PDS5B: variants seen among roughly 807,000 people sequenced by gnomAD.
PDS5B encodes the protein sister chromatid cohesion protein PDS5 homolog B.
A neutral mutation model predicts 184.1 loss-of-function variants in PDS5B; 51 were observed. The ratio of observed to expected loss-of-function variants is 0.28; its 90% CI spans 0.22 to 0.35. The LOEUF (loss-of-function observed/expected upper bound fraction) is 0.35. Among genes scored for constraint, PDS5B ranks in the 10% least tolerant of loss-of-function variants. The pLI, the probability that PDS5B is intolerant of heterozygous loss-of-function variation, is 1.00. For synonymous variants in PDS5B, 566 were observed against 569.2 expected (o/e 0.99, Z 0.08); for missense variants, 1,180 against 1,723.3 (o/e 0.68, Z 5.58).
At chr13:32,752,199 C>T (rs1954009472) in intron 24 of PDS5B, among the ~76,000 whole-genome samples, 1 of 152,160 alleles carries the variant, frequency 6.6e-6, no homozygotes. Flanking sequence ...ACCACATTCA[C>T]ATAACATTTA....
intron 9 of PDS5B, 110 bp downstream of exon 9, chr13:32,676,069 G>T: frequency 5.1e-6 from 3 of 589,356 alleles, no homozygotes; most frequent in Non-Finnish European, 8.9e-6. Context: ...TAAAAATGAA[G>T]GATTTTTTAT....
Position 32,612,515 on chromosome 13 carries a change from C to A in PDS5B, c.-20+25922C>A, listed in dbSNP as rs573526901. Reference sequence around the variant, plus strand: ...AATCAATTTTAGAATGTTTTCATTACCCTCAAAAGAAACCCTGCACCTCTT... The same window carrying A: ...AATCAATTTTAGAATGTTTTCATTAACCTCAAAAGAAACCCTGCACCTCTT... On this transcript the variant is annotated intron_variant, in intron 1 of 34. Transcript: ENST00000315596. Among the ~76,000 whole-genome samples the A allele has an allele frequency of 4.6e-5, 7 of 152,272 alleles. No individual in the cohort carries two copies. The East Asian group carries it at 1.3e-3, about 29-fold the overall frequency.
chr13:32,686,416 A>T (rs1471145497), intron 11 of PDS5B, among the ~76,000 whole-genome samples: 11 of 152,212 alleles, frequency 7.2e-5, no homozygotes, highest in Non-Finnish European at 1.5e-5. Flanking sequence ...AGTATGCTCA[A>T]TATAGACCAC....
intron 19 of PDS5B, among the ~76,000 whole-genome samples, chr13:32,718,220 G>A (rs1482000274): frequency 6.6e-6 from 1 of 151,126 alleles, no homozygotes; most frequent in Non-Finnish European, 1.5e-5. Flanking sequence ...GCATGATCTC[G>A]GCTCACTGCA....
intron 22 of PDS5B, among the ~76,000 whole-genome samples, chr13:32,741,699 CTGTGTGTGTGTGTGTG>C (rs3050179): frequency 2.5e-4 from 35 of 139,276 alleles, no homozygotes; most frequent in Non-Finnish European, 3.9e-4. Flanking sequence ...CCCTTTCAGT[CTGTGTGTGTGTGTGTG>C]TGTGTGTGTG....
chr13:32,656,035 TC>T (rs1234035494), intron 3 of PDS5B, among the ~76,000 whole-genome samples: 10 of 152,214 alleles, frequency 6.6e-5, no homozygotes, highest in African/African-American at 2.4e-4. Flanking sequence ...GTTTCAGTCT[TC>T]TGCATATGAC....
chr13:32,608,993 A>G (rs989520780), intron 1 of PDS5B, among the ~76,000 whole-genome samples: 5 of 152,216 alleles, frequency 3.3e-5, no homozygotes, highest in Non-Finnish European at 7.3e-5. Context: ...ACACCCATTC[A>G]TGGAAAAGAA....
At chr13:32,774,165 C>G (rs1189674174) in intron 34 of PDS5B, among the ~76,000 whole-genome samples, 1 of 152,104 alleles carries the variant, frequency 6.6e-6, no homozygotes, top group Non-Finnish European at 1.5e-5. Flanking sequence ...AGATATTTCT[C>G]TTAGGAAAAA....
Position 32,689,950 on chromosome 13 carries a change from A to G in PDS5B, c.1469+1381A>G, listed in dbSNP as rs553964631. ...TCTCTACTCAGCCCAACTGTCATTCAAGAGTAAAAATGAAATGTCACTTTT... is the reference window on the plus strand; with the variant it reads ...TCTCTACTCAGCCCAACTGTCATTCGAGAGTAAAAATGAAATGTCACTTTT... On this transcript the variant is annotated intron_variant, in intron 13 of 34. Transcript: ENST00000315596. 2.4e-4 allele frequency: 37 copies of G among 152,248 alleles called. No individual in the cohort carries two copies. In the East Asian group the frequency reaches 6.2e-3, roughly 25 times the overall value. 9.4% of individuals were successfully genotyped at this position (152,248 alleles called of 1,614,324 possible).
At chr13:32,745,763 A>G (rs538123248) in intron 23 of PDS5B, among the ~76,000 whole-genome samples, 49 of 152,232 alleles carry the variant, frequency 3.2e-4, no homozygotes, top group African/African-American at 9.6e-4. Flanking sequence ...GTTTCCCACA[A>G]TGACCTAATC....
chr13:32,747,333 T>A (rs565906829), intron 24 of PDS5B, among the ~76,000 whole-genome samples: 1 of 152,322 alleles, frequency 6.6e-6, no homozygotes, highest in East Asian at 1.9e-4. Flanking sequence ...CCCCACCCTT[T>A]ATTCTAGTAC....
At chr13:32,701,635 T>TAC (rs1566346959) in intron 17 of PDS5B, among the ~76,000 whole-genome samples, 197 bp downstream of exon 17, 1 of 145,224 alleles carries the variant, frequency 6.9e-6, no homozygotes. Context: ...TATATATATA[T>TAC]ACACTCATCT....
chr13:32,601,251 G>T (rs1407899630), intron 1 of PDS5B, among the ~76,000 whole-genome samples: 5 of 152,266 alleles, frequency 3.3e-5, no homozygotes, highest in African/African-American at 1.2e-4. Flanking sequence ...TTTGTGGAAA[G>T]ATTATTTCAG....
intron 20 of PDS5B, among the ~76,000 whole-genome samples, chr13:32,733,985 A>AACACACACACACAC (rs148714647): frequency 0.034 from 4,809 of 141,976 alleles, 155 homozygotes; most frequent in African/African-American, 0.071. Context: ...CAAAAATTAA[A>AACACACACACACAC]ACACACACAC....
In PDS5B at chr13:32,764,569, A is replaced by G. The variant is rs372444745; in HGVS notation, c.3599A>G (p.Lys1200Arg). ...SSPLPGKKSD[K>R]RDDSDLVRSE... ...CCTTTGCCGGGGAAAAAAAGTGACAAGAGAGACGACTCTGATCTTGTAAGG... is the reference window on the plus strand; with the variant it reads ...CCTTTGCCGGGGAAAAAAAGTGACAGGAGAGACGACTCTGATCTTGTAAGG... Residue 1200 changes from lysine (K) to arginine (R), a missense_variant, in exon 31 of 35, where the codon AAG becomes AGG. By Grantham distance (26) the Lys-to-Arg change is conservative. Coordinates refer to ENST00000315596, the MANE Select transcript of PDS5B (RefSeq NM_015032.4). 72 of 1,599,336 alleles carry G rather than the reference A, an allele frequency of 4.5e-5. No individual in the cohort carries two copies. In the African/African-American group the frequency reaches 8.7e-4, roughly 19 times the overall value.
At position 32,746,209 on chromosome 13, in the gene PDS5B, T is replaced by A. The variant is rs143895124; in HGVS notation, c.2736+109T>A. ...AAATCTTGAATGTGTATGGTTTGTT[T>A]GTTTCTGAAAAATTTATGCATGAGA... On this transcript the variant is annotated intron_variant, in intron 24 of 34. Transcript: ENST00000315596. 6,054 of 969,476 alleles carry A rather than the reference T, an allele frequency of 6.2e-3. 29 individuals are homozygous for A. The highest frequency in any genetic ancestry group is 7.2e-3 in the Non-Finnish European group (4,804 of 665,988). The allele number at this position is 969,476 out of a possible 1,614,324, so 60.1% of individuals were successfully genotyped here. A position where few individuals can be genotyped will look rare whatever the true frequency, so the allele number is the denominator to read the frequency against.
At chr13:32,661,525 G>A (rs1950648526) in intron 6 of PDS5B, among the ~76,000 whole-genome samples, 2 of 151,618 alleles carry the variant, frequency 1.3e-5, no homozygotes, top group South Asian at 4.2e-4. Flanking sequence ...ACAGTGAGAT[G>A]AAACATGAAA....
At chr13:32,737,076 T>G (rs944541871) in intron 21 of PDS5B, among the ~76,000 whole-genome samples, 6 of 152,220 alleles carry the variant, frequency 3.9e-5, no homozygotes, top group African/African-American at 1.4e-4. Flanking sequence ...TTGTAACTTT[T>G]GTCTATTCTC....
At chr13:32,616,403 T>A (rs1253208875) in intron 1 of PDS5B, among the ~76,000 whole-genome samples, 1 of 151,944 alleles carries the variant, frequency 6.6e-6, no homozygotes, top group Non-Finnish European at 1.5e-5. Flanking sequence ...ACGAATGGGA[T>A]CATACTATGG....
Sources: allele counts gnomAD v4.1 joint callset (sites outside exome capture counted in the v4.1 genomes callset), GRCh38; gene constraint gnomAD v4.1.1; transcripts MANE v1.5; gene names NCBI Gene and HGNC (gene_info 2026-07-23, HGNC 2026-07-21).